HOOK1: variants seen among roughly 807,000 people sequenced by gnomAD.
The protein encoded by HOOK1 is hook microtubule tethering protein 1, also known as protein Hook homolog 1.
A neutral mutation model predicts 112.8 loss-of-function variants in HOOK1; 60 were observed. The observed-to-expected ratio is 0.53, with a 90% CI of 0.43 to 0.66. The LOEUF (loss-of-function observed/expected upper bound fraction) is 0.66, where lower values mean the gene tolerates loss of function less well. HOOK1 is among the 30% of genes least tolerant of loss of function. HOOK1 has a pLI of 0.00. For synonymous variants in HOOK1, 294 were observed against 283.8 expected (o/e 1.04, Z -0.36); for missense variants, 770 against 856.0 (o/e 0.90, Z 1.25).
At position 59,835,417 on chromosome 1, in the gene HOOK1, G is replaced by A. The variant is rs760552333; in HGVS notation, c.474+5G>A. 7 of 1,497,110 alleles carry A rather than the reference G, an allele frequency of 4.7e-6. No individual in the cohort carries two copies. The Admixed American group carries it at 5.1e-5, about 11-fold the overall frequency. 92.7% of individuals were successfully genotyped at this position (1,497,110 alleles called of 1,614,324 possible). On this transcript the variant is annotated splice_donor_5th_base_variant and intron_variant, in intron 6 of 21. Transcript: ENST00000371208. ...GTCATGACTGCTATTCAAGAGGTAA[G>A]TTATATCATGTTCCTATGAGTATAA...
intron 13 of HOOK1, 152 bp downstream of exon 13, chr1:59,858,667 T>G (rs2098411935): frequency 1.6e-6 from 1 of 635,274 alleles, no homozygotes; most frequent in Non-Finnish European, 2.8e-6. Flanking sequence ...AGCCTAGGAG[T>G]TTGAAGTTGC....
chr1:59,845,901 C>A (rs2098403518), intron 9 of HOOK1, among the ~76,000 whole-genome samples: 1 of 151,732 alleles, frequency 6.6e-6, no homozygotes, highest in African/African-American at 2.4e-5. Context: ...ATTCTCTGTT[C>A]TTCTGTTTTC....
chr1:59,838,954 A>T (rs1276383276), intron 7 of HOOK1, among the ~76,000 whole-genome samples: 1 of 152,192 alleles, frequency 6.6e-6, no homozygotes, highest in African/African-American at 2.4e-5. Flanking sequence ...TTAAATAGGG[A>T]ATCTTTTCCC....
chr1:59,869,880 C>T (rs1186878452), intron 20 of HOOK1, among the ~76,000 whole-genome samples: 2 of 152,202 alleles, frequency 1.3e-5, no homozygotes, highest in Non-Finnish European at 2.9e-5. Context: ...ACACTGAGTC[C>T]ATGTACTTCA....
chr1:59,855,984 AT>A (rs1167413179), intron 12 of HOOK1, among the ~76,000 whole-genome samples: 202 of 60,264 alleles, frequency 3.4e-3, no homozygotes, highest in African/African-American at 6.4e-3. Flanking sequence ...ATATATATAT[AT>A]TTTTTTTTTT....
At chr1:59,825,368 C>CT (rs1012658181) in intron 2 of HOOK1, among the ~76,000 whole-genome samples, 3 of 151,410 alleles carry the variant, frequency 2.0e-5, no homozygotes, top group East Asian at 1.9e-4. Context: ...TTTGACTAAA[C>CT]TTTTTTTTTG....
intron 7 of HOOK1, among the ~76,000 whole-genome samples, chr1:59,837,443 T>C (rs1420996934): frequency 6.6e-6 from 1 of 152,192 alleles, no homozygotes; most frequent in African/African-American, 2.4e-5. Context: ...TTTTCTGTTA[T>C]ATTTTTAAAC....
chr1:59,833,133 T>C (rs907449817), intron 4 of HOOK1, among the ~76,000 whole-genome samples: 1 of 152,132 alleles, frequency 6.6e-6, no homozygotes, highest in Non-Finnish European at 1.5e-5. Context: ...CTAGGCCAAG[T>C]GCTTCTTAAG....
intron 21 of HOOK1, among the ~76,000 whole-genome samples, chr1:59,872,533 T>C (rs1644071044): frequency 6.6e-6 from 1 of 152,168 alleles, no homozygotes; most frequent in South Asian, 2.1e-4. Context: ...TATAATTAAG[T>C]CTAATTCCAG....
intron 5 of HOOK1, among the ~76,000 whole-genome samples, chr1:59,834,410 A>G (rs982730424): frequency 2.0e-5 from 3 of 152,216 alleles, no homozygotes; most frequent in African/African-American, 7.2e-5. Flanking sequence ...TATCAATTAT[A>G]AAAGGACAGT....
At chr1:59,846,527 T>TTTCCTTCC (rs56170541) in intron 9 of HOOK1, among the ~76,000 whole-genome samples, 6 of 87,330 alleles carry the variant, frequency 6.9e-5, no homozygotes, top group Non-Finnish European at 1.4e-4. Context: ...CTTCCTTCCT[T>TTTCCTTCC]TTCCTTCCTT....
At chr1:59,869,326 G>A (rs572854887) in intron 20 of HOOK1, among the ~76,000 whole-genome samples, 4 of 151,990 alleles carry the variant, frequency 2.6e-5, no homozygotes, top group Non-Finnish European at 2.9e-5. Context: ...CTAGTAGCTG[G>A]GATTACAGGT....
chr1:59,865,045 T>A (rs1643936918), intron 17 of HOOK1, 118 bp from the exon 18 acceptor site: 2 of 678,802 alleles, frequency 2.9e-6, no homozygotes, highest in Non-Finnish European at 5.4e-6. Flanking sequence ...ACCCCTGCAG[T>A]CATGCAGATA....
In HOOK1 at chr1:59,865,932, T is replaced by C. The variant is rs140773839; in HGVS notation, c.1805T>C (p.Met602Thr). ...LQKKDEDMKA[M>T]EERYKMYLEK... ...AAGAAAGATGAAGATATGAAAGCAATGGAGGAAAGATATAAAATGTACTTG... is the reference window on the plus strand; with the variant it reads ...AAGAAAGATGAAGATATGAAAGCAACGGAGGAAAGATATAAAATGTACTTG... The change falls in exon 19 of 22, where the codon ATG (methionine) becomes ACG (threonine). Residue 602 changes from methionine (M) to threonine (T), a missense_variant. Met to Thr is a moderately conservative substitution (Grantham distance 81). Coordinates refer to ENST00000371208, the MANE Select transcript of HOOK1 (RefSeq NM_015888.6). The C allele has an allele frequency of 9.3e-5, 148 of 1,598,092 alleles. 1 individual carries two copies. Among genetic ancestry groups the C allele is most frequent in the Non-Finnish European group, 1.2e-4 (135 of 1,171,862 alleles).
At position 59,864,621 on chromosome 1, in the gene HOOK1, A is replaced by C; in HGVS notation, c.1627-11A>C. The C allele has an allele frequency of 1.3e-6, 2 of 1,519,400 alleles. No homozygotes were observed. Among genetic ancestry groups the C allele is most frequent in the Non-Finnish European group, 1.8e-6 (2 of 1,102,480 alleles). 94.1% of individuals were successfully genotyped at this position (1,519,400 alleles called of 1,614,324 possible). A position where few individuals can be genotyped will look rare whatever the true frequency, so the allele number is the denominator to read the frequency against. ...TAGTCATCTTACAGCAATTTTTTTT[A>C]AATTTTATAGTCCAGCAAATTAAAG... On this transcript the variant is annotated splice_polypyrimidine_tract_variant and intron_variant, in intron 16 of 21. Coordinates refer to ENST00000371208, the MANE Select transcript of HOOK1 (RefSeq NM_015888.6).
At chr1:59,836,027 T>A (rs2098397405) in intron 6 of HOOK1, among the ~76,000 whole-genome samples, 1 of 152,106 alleles carries the variant, frequency 6.6e-6, no homozygotes, top group Non-Finnish European at 1.5e-5. Flanking sequence ...ACCAGAACAG[T>A]CTCTGACCAG....
chr1:59,825,310 T>C (rs1347964006), intron 2 of HOOK1, among the ~76,000 whole-genome samples: 1 of 152,204 alleles, frequency 6.6e-6, no homozygotes, highest in African/African-American at 2.4e-5. Flanking sequence ...AAAGAAAGGC[T>C]TAGCTTCTTC....
chr1:59,845,576 T>G (rs929296244), intron 9 of HOOK1, among the ~76,000 whole-genome samples: 2 of 151,780 alleles, frequency 1.3e-5, no homozygotes, highest in African/African-American at 4.8e-5. Context: ...TTTTTGTTTT[T>G]GTTTTTTTTT....
intron 12 of HOOK1, among the ~76,000 whole-genome samples, chr1:59,849,973 A>C (rs1406667853): frequency 6.6e-6 from 1 of 151,642 alleles, no homozygotes; most frequent in Non-Finnish European, 1.5e-5. Flanking sequence ...TTGAGCATAT[A>C]TGCAGAAATG....
Sources: gnomAD v4.1 joint callset for allele counts (sites outside exome capture counted in the v4.1 genomes callset) on GRCh38, gnomAD v4.1.1 for gene constraint, MANE v1.5 for transcripts, NCBI Gene and HGNC (gene_info 2026-07-23, HGNC 2026-07-21) for gene names.